NEIL3: variants seen among roughly 807,000 people sequenced by gnomAD.
NEIL3 encodes the protein endonuclease 8-like 3.
A neutral mutation model predicts 57.5 loss-of-function variants in NEIL3; 48 were observed. The observed-to-expected ratio is 0.83, with a 90% CI of 0.66 to 1.06. The LOEUF is 1.06. NEIL3 is among the 50% of genes least tolerant of loss of function. NEIL3 has a pLI of 0.00. For missense variants in NEIL3, 717 were observed against 739.1 expected, an observed-to-expected ratio of 0.97 and a Z score of 0.35; for synonymous variants, 261 against 253.2, an observed-to-expected ratio of 1.03 and a Z score of -0.29.
chr4:177,338,672 T>C (rs1030732665), intron 4 of NEIL3, among the ~76,000 whole-genome samples: 5 of 152,228 alleles, frequency 3.3e-5, no homozygotes, highest in African/African-American at 1.2e-4. Flanking sequence ...TATGTTAGGC[T>C]GTGTCAGAAA....
At chr4:177,322,679 A>G in intron 2 of NEIL3, 99 bp downstream of exon 2, 1 of 1,420,352 alleles carries the variant, frequency 7.0e-7, no homozygotes, top group Non-Finnish European at 9.7e-7. Context: ...TCATATAGGA[A>G]GTACTGTGTT....
chr4:177,351,353 TG>T, intron 6 of NEIL3, 26 bp from the exon 7 acceptor site: 1 of 1,522,974 alleles, frequency 6.6e-7, no homozygotes, highest in Non-Finnish European at 9.0e-7. Flanking sequence ...ATAATAACAA[TG>T]ATTAATTTTA....
downstream of NEIL3, among the ~76,000 whole-genome samples, chr4:177,367,498 A>G (rs1735707073): frequency 6.6e-6 from 1 of 152,090 alleles, no homozygotes; most frequent in Non-Finnish European, 1.5e-5. Flanking sequence ...GGGAGAGCAG[A>G]TGTCTCTGTG....
At chr4:177,311,040 G>C (rs1005091575) in intron 1 of NEIL3, among the ~76,000 whole-genome samples, 2 of 151,972 alleles carry the variant, frequency 1.3e-5, no homozygotes, top group African/African-American at 2.4e-5. Context: ...ATTTTGACTT[G>C]ATATGCCAGT....
intron 6 of NEIL3, chr4:177,343,341 G>C (rs1423638858): frequency 6.6e-6 from 1 of 152,142 alleles, no homozygotes; most frequent in Non-Finnish European, 1.5e-5. Context: ...AGTTCAGTAA[G>C]AATGAGAAAG....
the NEIL3 span, among the ~76,000 whole-genome samples, chr4:177,369,306 A>G: frequency 1.6e-4 from 24 of 152,182 alleles, no homozygotes; most frequent in African/African-American, 5.1e-4. Flanking sequence ...GCATATACAA[A>G]GATCTCTAAG....
intron 2 of NEIL3, among the ~76,000 whole-genome samples, chr4:177,329,482 T>C (rs1734841281): frequency 6.6e-6 from 1 of 152,170 alleles, no homozygotes; most frequent in South Asian, 2.1e-4. Context: ...GATCAAGGAA[T>C]ATTACTGAGG....
chr4:177,321,697 A>T (rs905608994), intron 1 of NEIL3, among the ~76,000 whole-genome samples: 45 of 152,170 alleles, frequency 3.0e-4, no homozygotes, highest in Non-Finnish European at 4.4e-4. Flanking sequence ...GATGGGGGAA[A>T]GGGAATATGA....
At chr4:177,315,557 T>C (rs966380512) in intron 1 of NEIL3, among the ~76,000 whole-genome samples, 20 of 152,314 alleles carry the variant, frequency 1.3e-4, no homozygotes, top group African/African-American at 4.8e-4. Flanking sequence ...TGGAAATTAG[T>C]TTTTGAATTT....
rs1735409654 is a variant in NEIL3 at position 177,353,603 on chromosome 4, C to A, written c.1335C>A (p.Ser445Arg). Reference protein sequence around the residue: ...KTTNDITQPSSKVNISPTISS... With the variant: ...KTTNDITQPSRKVNISPTISS... Reference sequence around the variant, plus strand: ...CAAACGATATAACTCAACCATCCAGCAAAGTAAACATATCACCTACAATCA... The same window carrying A: ...CAAACGATATAACTCAACCATCCAGAAAAGTAAACATATCACCTACAATCA... Residue 445 changes from serine to arginine, a missense_variant, in exon 8 of 10, where the codon AGC becomes AGA. Physicochemically the swap from Ser to Arg is moderately radical, Grantham distance 110 (BLOSUM62 -1). Transcript: ENST00000264596. 6.2e-7 allele frequency: 1 copy of A among 1,613,450 alleles called. No individual in the cohort carries two copies. The highest frequency in any genetic ancestry group is 1.1e-5 in the South Asian group (1 of 91,052).
chr4:177,322,830 GT>G (rs886514734), intron 2 of NEIL3, among the ~76,000 whole-genome samples: 5 of 152,154 alleles, frequency 3.3e-5, no homozygotes, highest in African/African-American at 1.2e-4. Context: ...CAACACATCT[GT>G]TTTGCTAGTC....
intron 8 of NEIL3, among the ~76,000 whole-genome samples, chr4:177,359,153 G>A (rs140895692): frequency 3.9e-4 from 60 of 152,216 alleles, no homozygotes; most frequent in African/African-American, 1.4e-3. Flanking sequence ...TTCTGATCTG[G>A]TATTACCCAT....
chr4:177,322,720 A>G (rs1734711149), intron 2 of NEIL3, 140 bp downstream of exon 2: 4 of 910,864 alleles, frequency 4.4e-6, no homozygotes, highest in African/African-American at 1.7e-5. Context: ...AGAGGTTGTG[A>G]TTCTATCATG....
chr4:177,339,438 T>C (rs1299902318), intron 4 of NEIL3, among the ~76,000 whole-genome samples: 4 of 152,058 alleles, frequency 2.6e-5, no homozygotes, highest in Admixed American at 1.3e-4. Flanking sequence ...GCCTGGGCAA[T>C]AGAGTGAGAC....
rs763912473 is a variant in NEIL3 at position 177,335,671 on chromosome 4, G to T, written c.279-17G>T. Reference sequence around the variant, plus strand: ...ATATACTTTCTGCCACTCAAAAATGGTTTGATTTTGTTTCAGGATTCATTT... The same window carrying T: ...ATATACTTTCTGCCACTCAAAAATGTTTTGATTTTGTTTCAGGATTCATTT... On this transcript the variant is annotated splice_polypyrimidine_tract_variant and intron_variant, in intron 2 of 9. Transcript: ENST00000264596. 6.2e-7 allele frequency: 1 copy of T among 1,607,422 alleles called. No individual in the cohort carries two copies. Among genetic ancestry groups the T allele is most frequent in the Non-Finnish European group, 8.5e-7 (1 of 1,177,272 alleles).
intron 6 of NEIL3, among the ~76,000 whole-genome samples, chr4:177,345,924 C>T (rs376624335): frequency 6.6e-6 from 1 of 151,968 alleles, no homozygotes; most frequent in Non-Finnish European, 1.5e-5. Context: ...CTCCTTACCT[C>T]AGGTGATCCA....
chr4:177,348,303 T>G (rs922635171), intron 6 of NEIL3, among the ~76,000 whole-genome samples: 1 of 152,170 alleles, frequency 6.6e-6, no homozygotes, highest in African/African-American at 2.4e-5. Context: ...CCCTTTGATC[T>G]TCCTCAGGTG....
chr4:177,310,247 T>C, intron 1 of NEIL3, 138 bp downstream of exon 1: 1 of 1,026,676 alleles, frequency 9.7e-7, no homozygotes. Flanking sequence ...ACAGAGTTTA[T>C]CGTCACTTTA....
rs141092225 is a variant in NEIL3 at position 177,357,509 on chromosome 4, A to T, written c.1461-2994A>T. ...AACTGTGATAAATTGACCATGAAAA[A>T]ATAATATTCACTTTAAAATTACAGA... On this transcript the variant is annotated intron_variant, in intron 8 of 9. Transcript: ENST00000264596. Among the ~76,000 whole-genome samples the T allele has an allele frequency of 4.2e-3, 644 of 152,336 alleles. 4 individuals carry two copies. Among genetic ancestry groups the T allele is most frequent in the African/African-American group, 0.015 (611 of 41,580 alleles).
Sources: allele counts gnomAD v4.1 joint callset (sites outside exome capture counted in the v4.1 genomes callset), GRCh38; gene constraint gnomAD v4.1.1; transcripts MANE v1.5; gene names NCBI Gene and HGNC (gene_info 2026-07-23, HGNC 2026-07-21).